Variants in PCDH9 observed in about 807,000 individuals in gnomAD.
PCDH9 encodes protocadherin 9, also known as protocadherin-9.
In PCDH9, 24 loss-of-function variants were observed where a neutral mutation model predicts 70.6. The observed-to-expected ratio is 0.34, with a 90% CI of 0.25 to 0.48. The LOEUF is 0.48. Among genes scored for constraint, PCDH9 ranks in the 20% least tolerant of loss-of-function variants. PCDH9 has a pLI of 0.99. For synonymous variants in PCDH9, 562 were observed against 558.5 expected, an observed-to-expected ratio of 1.01 and a Z score of -0.09; for missense variants, 1,281 against 1,503.6, an observed-to-expected ratio of 0.85 and a Z score of 2.45.
At chr13:66,890,183 T>C (rs1186271996) in intron 3 of PCDH9, among the ~76,000 whole-genome samples, 1 of 152,134 alleles carries the variant, frequency 6.6e-6, no homozygotes, top group Non-Finnish European at 1.5e-5. Context: ...TCTAGGGTGA[T>C]AATCTTACTT....
At chr13:67,164,506 A>C (rs929872411) in intron 2 of PCDH9, among the ~76,000 whole-genome samples, 2 of 150,866 alleles carry the variant, frequency 1.3e-5, no homozygotes, top group African/African-American at 4.9e-5. Flanking sequence ...CCAGGGAGGC[A>C]GAGGTCGCAG....
chr13:66,662,898 A>G (rs1185332279), intron 3 of PCDH9, among the ~76,000 whole-genome samples: 7 of 152,246 alleles, frequency 4.6e-5, no homozygotes, highest in Non-Finnish European at 4.4e-5. Flanking sequence ...CACTTCTATC[A>G]TAGATTTCTA....
At chr13:66,478,119 T>C (rs1958766730) in intron 4 of PCDH9, among the ~76,000 whole-genome samples, 1 of 152,192 alleles carries the variant, frequency 6.6e-6, no homozygotes, top group African/African-American at 2.4e-5. Context: ...TGCATTATTA[T>C]TATCTCTGTT....
chr13:66,740,657 A>C (rs1327231891), intron 3 of PCDH9, among the ~76,000 whole-genome samples: 2 of 151,102 alleles, frequency 1.3e-5, no homozygotes, highest in Non-Finnish European at 3.0e-5. Context: ...GATAAAGGGG[A>C]TATCACCACT....
chr13:67,227,516 T>C lies in PCDH9; in HGVS notation c.925A>G (p.Thr309Ala), dbSNP rs958059834. The C allele has an allele frequency of 2.5e-6, 4 of 1,613,612 alleles. No homozygotes were observed. Among genetic ancestry groups the C allele is most frequent in the Non-Finnish European group, 3.4e-6 (4 of 1,179,688 alleles). ...GACCTCTGAACTGTAATCAGCCCAG[T>C]AGTATTATTTAAAGCAAAGAGTCTT... ...TKRLFALNNT[T>A]GLITVQRSLD... Residue 309 changes from threonine (T) to alanine (A), a missense_variant, in exon 2 of 5, where the codon ACT becomes GCT. By Grantham distance (58) the Thr-to-Ala change is moderately conservative. Coordinates refer to ENST00000377865, the MANE Select transcript of PCDH9 (RefSeq NM_203487.3). This position sits in a 1 kb window ranked among gnomAD's most constrained non-coding sequence, Gnocchi z 4.6.
intron 4 of PCDH9, among the ~76,000 whole-genome samples, chr13:66,576,168 C>T (rs1275610145): frequency 6.6e-6 from 1 of 150,922 alleles, no homozygotes; most frequent in Non-Finnish European, 1.5e-5. Flanking sequence ...TTTGTGAATT[C>T]AAATCAAGTC....
intron 3 of PCDH9, among the ~76,000 whole-genome samples, chr13:66,702,039 G>C (rs542417333): frequency 6.6e-6 from 1 of 152,192 alleles, no homozygotes; most frequent in South Asian, 2.1e-4. Context: ...GCTGCCCAGA[G>C]TGTATTTTCA....
chr13:66,765,691 C>T (rs182032669), intron 3 of PCDH9, among the ~76,000 whole-genome samples: 3 of 152,194 alleles, frequency 2.0e-5, no homozygotes, highest in East Asian at 3.9e-4. Flanking sequence ...GAATAATTTA[C>T]TTTCAAATGT....
chr13:66,865,843 G>C (rs1594173296), intron 3 of PCDH9, among the ~76,000 whole-genome samples: 1 of 152,206 alleles, frequency 6.6e-6, no homozygotes. Flanking sequence ...AAGTTGTCAA[G>C]TTTTTTGAAA....
Position 66,602,707 on chromosome 13 carries a change from CAT to C in PCDH9, c.3340+28501_3340+28502del, listed in dbSNP as rs2077178385. The stretch of plus-strand genomic sequence containing the variant: ...GTGCGGCCTAAGTGTATATTCTTTA[CAT>C]AGTCTACCTTAGTGCAAAGTATGTC... On this transcript the variant is annotated intron_variant, in intron 4 of 4. Transcript: ENST00000377865. 1.4e-5 allele frequency among the ~76,000 whole-genome samples: 2 copies of C among 145,402 alleles called. 1 individual carries two copies. Among genetic ancestry groups the C allele is most frequent in the Non-Finnish European group, 3.1e-5 (2 of 64,732 alleles).
At chr13:66,750,993 C>A (rs2079448739) in intron 3 of PCDH9, among the ~76,000 whole-genome samples, 1 of 152,074 alleles carries the variant, frequency 6.6e-6, no homozygotes, top group African/African-American at 2.4e-5. Flanking sequence ...AGAAACGGGC[C>A]ATTTTAATTT....
intron 4 of PCDH9, among the ~76,000 whole-genome samples, chr13:66,516,616 C>A (rs2138597479): frequency 6.6e-6 from 1 of 151,990 alleles, no homozygotes; most frequent in Middle Eastern, 3.4e-3. Context: ...TTAATGGATC[C>A]AATTATTGTT....
At chr13:66,491,659 T>C (rs1477585823) in intron 4 of PCDH9, among the ~76,000 whole-genome samples, 5 of 152,160 alleles carry the variant, frequency 3.3e-5, no homozygotes, top group South Asian at 2.1e-4. Flanking sequence ...CACTGTATCA[T>C]GTAAATGCAA....
At chr13:66,559,359 G>C (rs1961892621) in intron 4 of PCDH9, among the ~76,000 whole-genome samples, 1 of 152,160 alleles carries the variant, frequency 6.6e-6, no homozygotes, top group Admixed American at 6.5e-5. Context: ...GGAAGCCACT[G>C]TGTGTTGGCT....
chr13:67,222,866 T>C (rs2089762171), intron 2 of PCDH9: 1 of 152,158 alleles, frequency 6.6e-6, no homozygotes, highest in Non-Finnish European at 1.5e-5. Flanking sequence ...TGAAAACAAA[T>C]TTTTAAAGAG....
chr13:66,476,253 C>G (rs1333276369), intron 4 of PCDH9, among the ~76,000 whole-genome samples: 1 of 151,954 alleles, frequency 6.6e-6, no homozygotes, highest in Non-Finnish European at 1.5e-5. Context: ...AGTTACAAAT[C>G]TGAAGTATCA....
At chr13:66,927,397 T>C (rs1422673397) in intron 2 of PCDH9, among the ~76,000 whole-genome samples, 1 of 151,506 alleles carries the variant, frequency 6.6e-6, no homozygotes, top group African/African-American at 2.4e-5. Flanking sequence ...GGGTGGAGGA[T>C]AGGAGGAGGA....
intron 3 of PCDH9, among the ~76,000 whole-genome samples, chr13:66,767,138 T>C (rs2079730334): frequency 6.6e-6 from 1 of 151,966 alleles, no homozygotes; most frequent in African/African-American, 2.4e-5. Context: ...TGCGTCAATC[T>C]GAAGAGGATA....
At chr13:66,647,313 G>C (rs1294732766) in intron 3 of PCDH9, among the ~76,000 whole-genome samples, 1 of 152,080 alleles carries the variant, frequency 6.6e-6, no homozygotes, top group East Asian at 1.9e-4. Context: ...GTGAGGAGAG[G>C]GAAGAGTAAA....
Sources: gnomAD v4.1 joint callset for allele counts (sites outside exome capture counted in the v4.1 genomes callset) on GRCh38, gnomAD v4.1.1 for gene constraint, Gnocchi (gnomAD v3.1) non-coding constraint, MANE v1.5 for transcripts, NCBI Gene and HGNC (gene_info 2026-07-23, HGNC 2026-07-21) for gene names.